MARCHF1: variants seen among roughly 807,000 people sequenced by gnomAD.
MARCHF1 encodes E3 ubiquitin-protein ligase MARCHF1.
Under a neutral mutation model 54.2 loss-of-function variants are expected in MARCHF1, and 40 were observed. The ratio of observed to expected loss-of-function variants is 0.74; its 90% CI spans 0.57 to 0.96. MARCHF1 has a LOEUF of 0.96. MARCHF1 is among the 40% of genes least tolerant of loss of function. MARCHF1 has a pLI of 0.00. For synonymous variants in MARCHF1, 236 were observed against 236.3 expected (o/e 1.00, Z 0.01); for missense variants, 586 against 656.5 (o/e 0.89, Z 1.17).
At chr4:164,211,824 C>T (rs1731782647) in intron 1 of MARCHF1, among the ~76,000 whole-genome samples, 2 of 151,862 alleles carry the variant, frequency 1.3e-5, no homozygotes, top group Admixed American at 6.6e-5. Flanking sequence ...TGAGAGAGTT[C>T]GCTTTGAAAC....
intron 3 of MARCHF1, among the ~76,000 whole-genome samples, chr4:163,973,870 T>C (rs1390762775): frequency 2.6e-5 from 4 of 152,250 alleles, no homozygotes; most frequent in Non-Finnish European, 5.9e-5. Context: ...AAATAACTAA[T>C]TTAATGAAGT....
intron 1 of MARCHF1, among the ~76,000 whole-genome samples, chr4:164,263,626 T>C (rs1311119891): frequency 6.6e-6 from 1 of 151,788 alleles, no homozygotes; most frequent in Non-Finnish European, 1.5e-5. Flanking sequence ...ATAAAAACAT[T>C]TCGAATGTAA....
rs149773400 is a variant in MARCHF1, at chr4:163,850,668, T to C, written c.111+3353A>G. On this transcript the variant is annotated intron_variant, in intron 4 of 9. Transcript: ENST00000514618. ...GCAGAAAGGAAACTGATTTCAAAGG[T>C]AGAAAGCCTTCTAGTTGCATAATGT... 1.3e-4 allele frequency among the ~76,000 whole-genome samples: 20 copies of C among 152,280 alleles called. No individual in the cohort carries two copies. In the East Asian group the frequency reaches 3.3e-3, roughly 25 times the overall value.
In MARCHF1 at chr4:163,612,821, C is replaced by T. The variant is rs1346629199; in HGVS notation, c.460G>A (p.Glu154Lys). ...HLQISSPRWR[E>K]LYTDSSDSSS... ...GAATCTGAAGAATCTGTGTAAAGCT[C>T]CCTCCACCTGGGGCTTGAGATTTGA... is the stretch of plus-strand genomic sequence containing the variant. Residue 154 changes from glutamate (E) to lysine (K), a missense_variant, in exon 7 of 10, where the codon GAG (glutamate) becomes AAG (lysine). Physicochemically the swap from Glu to Lys is moderately conservative, Grantham distance 56. Coordinates refer to ENST00000514618, the MANE Select transcript of MARCHF1 (RefSeq NM_001394959.1). 2.0e-6 allele frequency: 3 copies of T among 1,535,210 alleles called. No individual in the cohort carries two copies. The highest frequency in any genetic ancestry group is 2.0e-5 in the Admixed American group (1 of 50,894).
intron 4 of MARCHF1, among the ~76,000 whole-genome samples, chr4:163,754,883 G>A (rs1479437647): frequency 1.3e-5 from 2 of 152,142 alleles, no homozygotes; most frequent in South Asian, 2.1e-4. Context: ...GCAGTCTTGA[G>A]GGGAGAATGA....
At chr4:164,359,058 T>G (rs962983673) in intron 1 of MARCHF1, among the ~76,000 whole-genome samples, 1 of 152,136 alleles carries the variant, frequency 6.6e-6, no homozygotes. Context: ...ACAAAAATTT[T>G]TGTTTTATTC....
At position 163,537,242 on chromosome 4, in the gene MARCHF1, G is replaced by A. The variant is rs1462939758; in HGVS notation, c.1340-8196C>T. 2.0e-5 allele frequency among the ~76,000 whole-genome samples: 3 copies of A among 152,226 alleles called. No individual in the cohort carries two copies. The East Asian group carries it at 5.8e-4, about 29-fold the overall frequency. On this transcript the variant is annotated intron_variant, in intron 9 of 9. Coordinates refer to ENST00000514618, the MANE Select transcript of MARCHF1 (RefSeq NM_001394959.1). Reference sequence around the variant, plus strand: ...ATGTTTTCATCAGGAAGATGTACTTGCCTCCTTTTATTGAGACACAGCCAA... The same window carrying A: ...ATGTTTTCATCAGGAAGATGTACTTACCTCCTTTTATTGAGACACAGCCAA...
At chr4:163,582,598 T>C (rs543883865) in intron 8 of MARCHF1, among the ~76,000 whole-genome samples, 1 of 152,340 alleles carries the variant, frequency 6.6e-6, no homozygotes, top group East Asian at 1.9e-4. Flanking sequence ...CATTGGCTAA[T>C]TGGAGAAATT....
intron 3 of MARCHF1, among the ~76,000 whole-genome samples, chr4:163,916,999 C>G (rs1331312019): frequency 2.0e-5 from 3 of 152,082 alleles, no homozygotes; most frequent in Non-Finnish European, 4.4e-5. Flanking sequence ...CTATTCTCCT[C>G]CTATTCATCT....
chr4:164,249,002 T>A (rs1481971302), intron 1 of MARCHF1, among the ~76,000 whole-genome samples: 1 of 152,204 alleles, frequency 6.6e-6, no homozygotes, highest in East Asian at 1.9e-4. Context: ...ATTTACCAAG[T>A]GTTGCTACAA....
At chr4:163,833,595 C>T (rs1482076583) in intron 4 of MARCHF1, among the ~76,000 whole-genome samples, 1 of 152,110 alleles carries the variant, frequency 6.6e-6, no homozygotes, top group East Asian at 1.9e-4. Context: ...GACATTTATG[C>T]AGCCAAAAAA....
At chr4:163,797,858 G>C (rs1747962903) in intron 4 of MARCHF1, among the ~76,000 whole-genome samples, 1 of 151,830 alleles carries the variant, frequency 6.6e-6, no homozygotes, top group Non-Finnish European at 1.5e-5. Context: ...GTCTAAGCCT[G>C]CTGTTTCTTT....
intron 8 of MARCHF1, among the ~76,000 whole-genome samples, chr4:163,563,765 A>G (rs191185067): frequency 1.4e-4 from 22 of 152,202 alleles, no homozygotes; most frequent in African/African-American, 4.8e-4. Flanking sequence ...ACATACCACA[A>G]TGCTTGGCAC....
At chr4:163,737,055 C>A (rs944254585) in intron 4 of MARCHF1, among the ~76,000 whole-genome samples, 2 of 151,912 alleles carry the variant, frequency 1.3e-5, no homozygotes, top group Non-Finnish European at 2.9e-5. Context: ...CATTTGTTTG[C>A]CAGGCCTCAA....
chr4:163,957,176 T>C (rs1027775557), intron 3 of MARCHF1, among the ~76,000 whole-genome samples: 16 of 147,984 alleles, frequency 1.1e-4, no homozygotes, highest in Non-Finnish European at 2.0e-4. Context: ...GAAAATATTA[T>C]AGCTACTCAA....
chr4:163,973,790 C>A (rs796212371), intron 3 of MARCHF1, among the ~76,000 whole-genome samples: 12 of 152,334 alleles, frequency 7.9e-5, no homozygotes, highest in African/African-American at 2.9e-4. Flanking sequence ...TCATGTCCCT[C>A]TTGTTCACCA....
chr4:163,903,091 C>T (rs1420305044), intron 3 of MARCHF1, among the ~76,000 whole-genome samples: 1 of 152,056 alleles, frequency 6.6e-6, no homozygotes, highest in Non-Finnish European at 1.5e-5. Flanking sequence ...ACTGAAGATT[C>T]AGAAGACTCA....
intron 3 of MARCHF1, among the ~76,000 whole-genome samples, chr4:163,895,215 A>T (rs1002321044): frequency 6.6e-6 from 1 of 152,190 alleles, no homozygotes; most frequent in African/African-American, 2.4e-5. Flanking sequence ...TTTACAAGGA[A>T]GTTTTCAGCA....
At chr4:164,122,514 C>T (rs563539876) in intron 1 of MARCHF1, among the ~76,000 whole-genome samples, 53 of 152,108 alleles carry the variant, frequency 3.5e-4, no homozygotes, top group Non-Finnish European at 2.1e-4. Flanking sequence ...GGAGGCCAGC[C>T]TTCCCGCATG....
Sources: allele counts gnomAD v4.1 joint callset (sites outside exome capture counted in the v4.1 genomes callset), GRCh38; gene constraint gnomAD v4.1.1; transcripts MANE v1.5; gene names NCBI Gene and HGNC (gene_info 2026-07-23, HGNC 2026-07-21).